Variants in GOLGA8A observed in about 807,000 individuals in gnomAD.
GOLGA8A encodes golgin subfamily A member 8A.
Under a neutral mutation model 22.1 loss-of-function variants are expected in GOLGA8A, and 3 were observed. The observed-to-expected ratio is 0.14, with a 90% CI of 0.06 to 0.35. GOLGA8A has a LOEUF of 0.35. Among genes scored for constraint, GOLGA8A ranks in the 10% least tolerant of loss-of-function variants. The pLI, the probability that GOLGA8A is intolerant of heterozygous loss-of-function variation, is 1.00. For synonymous variants in GOLGA8A, 7 were observed against 91.7 expected, an observed-to-expected ratio of 0.08 and a Z score of 5.28; for missense variants, 16 against 233.2, an observed-to-expected ratio of 0.07 and a Z score of 6.07.
chr15:34,431,531 T>A (rs1213792194), intron 2 of GOLGA8A, among the ~76,000 whole-genome samples: 1 of 147,684 alleles, frequency 6.8e-6, no homozygotes, highest in Non-Finnish European at 1.5e-5. Flanking sequence ...CACTAGGTTA[T>A]AGGGTACAGT....
intron 2 of GOLGA8A, among the ~76,000 whole-genome samples, chr15:34,427,121 A>G (rs1893015893): frequency 6.8e-6 from 1 of 147,708 alleles, no homozygotes; most frequent in Non-Finnish European, 1.5e-5. Flanking sequence ...TCACGAGATC[A>G]GGAGATCAAG....
chr15:34,427,207 T>C (rs185081330), intron 2 of GOLGA8A, among the ~76,000 whole-genome samples: 1,871 of 146,440 alleles, frequency 0.013, 115 homozygotes, highest in Non-Finnish European at 0.021. Flanking sequence ...GGCGGGCGCC[T>C]GTAGTCCCAG....
chr15:34,397,142 TGGTGGTGGTGGGGTA>T (rs1415676561), intron 8 of GOLGA8A, among the ~76,000 whole-genome samples: 58 of 46,430 alleles, frequency 1.2e-3, no homozygotes, highest in East Asian at 4.8e-3. Flanking sequence ...CTTTTTTTTT[TGGTGGTGGTGGGGTA>T]TTTTTTGGAG....
rs528540754 is a variant in GOLGA8A at position 34,437,111 on chromosome 15, G to A, written c.-1212+287C>T. On this transcript the variant is annotated intron_variant, in intron 1 of 24. Coordinates refer to ENST00000359187, the MANE Select transcript of GOLGA8A (RefSeq NM_181077.5). The stretch of plus-strand genomic sequence containing the variant: ...GCGCCGAGAGTGGCCCCTCGCCGCG[G>A]TGAGCCCCTCCCGGGATGCGAAAGC... 2.7e-5 allele frequency among the ~76,000 whole-genome samples: 4 copies of A among 146,352 alleles called. No homozygotes were observed. In the South Asian group the frequency reaches 6.6e-4, roughly 24 times the overall value.
In GOLGA8A at chr15:34,380,879, T is replaced by C. The variant is rs962590670; in HGVS notation, c.*532A>G. 1.9e-5 allele frequency: 4 copies of C among 213,190 alleles called. No individual in the cohort carries two copies. Among genetic ancestry groups the C allele is most frequent in the Admixed American group, 1.6e-4 (3 of 18,918 alleles). 13.2% of individuals were successfully genotyped at this position (213,190 alleles called of 1,614,324 possible). A position where few individuals can be genotyped will look rare whatever the true frequency, so the allele number is the denominator to read the frequency against. ...TTCTCGGCCTTTAAACAGCTCTAAA[T>C]GTCAGTACTCACAGTGGCATATTAC... On this transcript the variant is annotated 3_prime_UTR_variant, in exon 25 of 25. Transcript: ENST00000359187.
chr15:34,435,827 A>G (rs72724805), intron 1 of GOLGA8A, among the ~76,000 whole-genome samples: 1 of 148,790 alleles, frequency 6.7e-6, no homozygotes, highest in African/African-American at 2.5e-5. Context: ...CCCTGCCAGT[A>G]CTGCTAGAGC....
At position 34,422,985 on chromosome 15, in the gene GOLGA8A, G is replaced by A. The variant is rs561946490; in HGVS notation, c.-1123+12398C>T. Among the ~76,000 whole-genome samples, 1,052 of 128,566 alleles carry A rather than the reference G, an allele frequency of 8.2e-3. 110 individuals carry two copies. Among genetic ancestry groups the A allele is most frequent in the African/African-American group, 0.027 (985 of 36,578 alleles). 84.3% of individuals were successfully genotyped at this position (128,566 alleles called of 152,430 possible). On this transcript the variant is annotated intron_variant, in intron 2 of 24. Transcript: ENST00000359187. ...CTGTTCCACCTCTTCCACTTCCACT[G>A]AGCAGAGGAACTGCGTCTGAATGAA... is the stretch of plus-strand genomic sequence containing the variant.
At chr15:34,409,330 A>T in intron 2 of GOLGA8A, among the ~76,000 whole-genome samples, 1 of 92,042 alleles carries the variant, frequency 1.1e-5, no homozygotes. Context: ...AATGCCACCA[A>T]CTCTTCCAGC....
At chr15:34,424,439 C>G (rs1232890477) in intron 2 of GOLGA8A, among the ~76,000 whole-genome samples, 1 of 141,894 alleles carries the variant, frequency 7.0e-6, no homozygotes, top group African/African-American at 2.6e-5. Flanking sequence ...TAAAAAAATA[C>G]GAGAGGAAGA....
Position 34,426,930 on chromosome 15 carries a change from C to A in GOLGA8A, c.-1123+8453G>T, listed in dbSNP as rs906332355. 7.6e-5 allele frequency among the ~76,000 whole-genome samples: 11 copies of A among 144,522 alleles called. 2 individuals carry two copies. The highest frequency in any genetic ancestry group is 1.2e-4 in the Non-Finnish European group (8 of 65,632). The allele number at this position is 144,522 out of a possible 152,430, so 94.8% of individuals were successfully genotyped here. ...TGGCAGATCTATTTAATGATTAGCT[C>A]TGGTGGGGAGCACTGCCCCTCAGAC... is the stretch of plus-strand genomic sequence containing the variant. On this transcript the variant is annotated intron_variant, in intron 2 of 24. Transcript: ENST00000359187.
rs1892838984 is a variant in GOLGA8A at position 34,422,829 on chromosome 15, T to C, written c.-1123+12554A>G. On this transcript the variant is annotated intron_variant, in intron 2 of 24. Transcript: ENST00000359187. ...ACAGTGCTCTTCCTGCTCCTGCTCC[T>C]GGCCAACCCTCCAACCAAGGTGTCT... Among the ~76,000 whole-genome samples, 2 of 111,976 alleles carry C rather than the reference T, an allele frequency of 1.8e-5. 1 individual carries two copies. Among genetic ancestry groups the C allele is most frequent in the South Asian group, 7.1e-4 (2 of 2,802 alleles). The allele number at this position is 111,976 out of a possible 152,430, so 73.5% of individuals were successfully genotyped here. A position where few individuals can be genotyped will look rare whatever the true frequency, so the allele number is the denominator to read the frequency against.
At chr15:34,423,748 C>T (rs1041790818) in intron 2 of GOLGA8A, among the ~76,000 whole-genome samples, 2 of 149,166 alleles carry the variant, frequency 1.3e-5, no homozygotes, top group African/African-American at 4.9e-5. Context: ...AGGGTGGGGG[C>T]TCCCCTCAAC....
rs1283386668 is a variant in GOLGA8A at position 34,421,500 on chromosome 15, C to T, written c.-1122-13765G>A. On this transcript the variant is annotated intron_variant, in intron 2 of 24. Coordinates refer to ENST00000359187, the MANE Select transcript of GOLGA8A (RefSeq NM_181077.5). Reference sequence around the variant, plus strand: ...GACGCACACGGGCTGATATTAAACCCACCCACACCAAGAATCCTAAAAGTT... The same window carrying T: ...GACGCACACGGGCTGATATTAAACCTACCCACACCAAGAATCCTAAAAGTT... Among the ~76,000 whole-genome samples the T allele has an allele frequency of 5.0e-5, 7 of 140,138 alleles. 3 individuals are homozygous for T. The highest frequency in any genetic ancestry group is 2.2e-4 in the Admixed American group (3 of 13,454). 91.9% of individuals were successfully genotyped at this position (140,138 alleles called of 152,430 possible).
At chr15:34,428,049 C>T (rs1485269284) in intron 2 of GOLGA8A, among the ~76,000 whole-genome samples, 1 of 148,084 alleles carries the variant, frequency 6.8e-6, no homozygotes, top group East Asian at 2.0e-4. Flanking sequence ...GCTCTCCACT[C>T]CCAACCCCCA....
chr15:34,403,709 C>CTGT (rs1368038222), intron 5 of GOLGA8A, among the ~76,000 whole-genome samples: 14 of 135,026 alleles, frequency 1.0e-4, no homozygotes, highest in African/African-American at 3.3e-4. Flanking sequence ...GATCACAAGA[C>CTGT]ACGGAAAGTA....
chr15:34,433,063 G>C (rs1338302066), intron 2 of GOLGA8A, among the ~76,000 whole-genome samples: 2 of 149,132 alleles, frequency 1.3e-5, no homozygotes, highest in Non-Finnish European at 3.0e-5. Flanking sequence ...ATTAGTGGCA[G>C]GGCCAGGCTG....
In GOLGA8A at chr15:34,379,992, A is replaced by ACT. The variant is rs1042832424; in HGVS notation, c.*1418_*1419insAG. On this transcript the variant is annotated 3_prime_UTR_variant, in exon 25 of 25. Coordinates refer to ENST00000359187, the MANE Select transcript of GOLGA8A (RefSeq NM_181077.5). ...GTATAGACATGTTTCCTGATAATAC[A>ACT]GACATTCACAAACAGTAGATTGCAC... 4 of 152,762 alleles carry ACT rather than the reference A, an allele frequency of 2.6e-5. No individual in the cohort carries two copies. Among genetic ancestry groups the ACT allele is most frequent in the East Asian group, 3.9e-4 (2 of 5,182 alleles). 9.5% of individuals were successfully genotyped at this position (152,762 alleles called of 1,614,324 possible).
In GOLGA8A at chr15:34,437,778, C is replaced by G. The variant is rs563743418; in HGVS notation, c.-1592G>C. Reference sequence around the variant, plus strand: ...AGAGCTCGCGCCTAGCCGCACACCTCGACTGCTGATTAGCCCGACAGCTGA... The same window carrying G: ...AGAGCTCGCGCCTAGCCGCACACCTGGACTGCTGATTAGCCCGACAGCTGA... On this transcript the variant is annotated 5_prime_UTR_variant, in exon 1 of 25. Coordinates refer to ENST00000359187, the MANE Select transcript of GOLGA8A (RefSeq NM_181077.5). 7.4e-5 allele frequency among the ~76,000 whole-genome samples: 11 copies of G among 148,528 alleles called. 1 individual carries two copies. In the East Asian group the frequency reaches 2.2e-3, roughly 30 times the overall value.
At chr15:34,420,672 G>C (rs1206194572) in intron 2 of GOLGA8A, among the ~76,000 whole-genome samples, 4 of 131,200 alleles carry the variant, frequency 3.0e-5, no homozygotes, top group Non-Finnish European at 6.6e-5. Flanking sequence ...CTTTAGAGTT[G>C]CTTCAAATAG....
Sources: allele counts gnomAD v4.1 joint callset (sites outside exome capture counted in the v4.1 genomes callset), GRCh38; gene constraint gnomAD v4.1.1; transcripts MANE v1.5; gene names NCBI Gene and HGNC (gene_info 2026-07-23, HGNC 2026-07-21).